Variants in PRKG1 observed in about 807,000 individuals in gnomAD.
PRKG1 encodes the protein protein kinase cGMP-dependent 1, also known as cGMP-dependent protein kinase 1.
A neutral mutation model predicts 88.1 loss-of-function variants in PRKG1; 35 were observed. The observed-to-expected ratio is 0.40, with a 90% confidence interval of 0.30 to 0.53. PRKG1 has a LOEUF of 0.53. Among genes scored for constraint, PRKG1 ranks in the 20% least tolerant of loss-of-function variants. The probability of loss-of-function intolerance (pLI) is 0.59; values close to 1 mark genes in which losing one functional copy is unlikely to be tolerated. For synonymous variants in PRKG1, 303 were observed against 292.5 expected (o/e 1.04, Z -0.37); for missense variants, 540 against 839.8 (o/e 0.64, Z 4.41).
At chr10:51,280,360 T>C (rs1304675461) in intron 2 of PRKG1, among the ~76,000 whole-genome samples, 2 of 152,190 alleles carry the variant, frequency 1.3e-5, no homozygotes, top group Non-Finnish European at 2.9e-5. Flanking sequence ...GGAGTTGCTC[T>C]TCTTGAGGAG....
At chr10:51,129,806 C>T (rs1845519384) in intron 1 of PRKG1, among the ~76,000 whole-genome samples, 1 of 152,140 alleles carries the variant, frequency 6.6e-6, no homozygotes, top group Non-Finnish European at 1.5e-5. Context: ...TGATGACTTC[C>T]CTAGCCCTGA....
intron 4 of PRKG1, among the ~76,000 whole-genome samples, chr10:51,828,338 A>T (rs1274190555): frequency 6.6e-6 from 1 of 152,150 alleles, no homozygotes; most frequent in Non-Finnish European, 1.5e-5. Flanking sequence ...ATTTTAACAT[A>T]TTGATAAGGG....
chr10:51,644,513 T>G (rs1050945862), intron 3 of PRKG1, among the ~76,000 whole-genome samples: 1 of 152,210 alleles, frequency 6.6e-6, no homozygotes, highest in Admixed American at 6.5e-5. Context: ...TATTAATGCC[T>G]GAATTGTTCC....
intron 11 of PRKG1, 55 bp from the exon 12 acceptor site, chr10:52,272,337 A>T (rs1418868695): frequency 7.2e-7 from 1 of 1,383,564 alleles, no homozygotes; most frequent in African/African-American, 1.5e-5. Context: ...AAAATTGCAC[A>T]CTTGTAAAAG....
intron 3 of PRKG1, among the ~76,000 whole-genome samples, chr10:51,563,557 T>C (rs1050035672): frequency 6.6e-6 from 1 of 152,070 alleles, no homozygotes; most frequent in African/African-American, 2.4e-5. Context: ...AGAAACACAG[T>C]AATATTAAGT....
Position 52,161,932 on chromosome 10 carries a change from A to C in PRKG1, c.1045A>C (p.Lys349Gln). The change falls in exon 9 of 18, where the codon AAA (lysine) becomes CAA (glutamine). Residue 349 changes from lysine to glutamine, a missense_variant. By Grantham distance (53) the Lys-to-Gln change is moderately conservative. This residue lies in a region of PRKG1 where 400 missense variants were observed against 562.7 expected (regional missense o/e 0.71). Coordinates refer to ENST00000373980, the MANE Select transcript of PRKG1 (RefSeq NM_006258.4). ...LIGGLDDVSN[K>Q]AYEDAEAKAK... The stretch of plus-strand genomic sequence containing the variant: ...TGGAGGGCTGGATGATGTTTCTAAT[A>C]AAGCATATGAAGATGCAGAAGCTAA... 1 of 1,612,570 alleles carries C rather than the reference A, an allele frequency of 6.2e-7. No homozygotes were observed. The highest frequency in any genetic ancestry group is 8.5e-7 in the Non-Finnish European group (1 of 1,179,360).
chr10:51,160,881 T>TGTGTGTGC (rs1252485188), intron 2 of PRKG1, among the ~76,000 whole-genome samples: 1 of 151,380 alleles, frequency 6.6e-6, no homozygotes, highest in Non-Finnish European at 1.5e-5. Flanking sequence ...TGCTCGTGTG[T>TGTGTGTGC]GTGTGTGTGT....
chr10:51,668,442 C>A (rs1840476372), intron 3 of PRKG1, among the ~76,000 whole-genome samples: 1 of 152,274 alleles, frequency 6.6e-6, no homozygotes, highest in Middle Eastern at 3.4e-3. Context: ...GGGTCTTGTT[C>A]TGTTGCCCAG....
chr10:52,035,748 G>A (rs1385370759), intron 5 of PRKG1, among the ~76,000 whole-genome samples: 1 of 152,152 alleles, frequency 6.6e-6, no homozygotes, highest in Admixed American at 6.5e-5. Context: ...CAGGTATGAG[G>A]AAGAAAATAG....
chr10:51,276,621 C>T (rs1589304097), intron 2 of PRKG1, among the ~76,000 whole-genome samples: 1 of 152,128 alleles, frequency 6.6e-6, no homozygotes, highest in Non-Finnish European at 1.5e-5. Context: ...TCCTCTCCAG[C>T]ACCTGTTGTT....
At chr10:51,236,863 C>A (rs1839007289) in intron 2 of PRKG1, among the ~76,000 whole-genome samples, 1 of 152,072 alleles carries the variant, frequency 6.6e-6, no homozygotes, top group Admixed American at 6.6e-5. Context: ...AATTAATTAA[C>A]CTACATAAAG....
At chr10:51,566,387 T>A (rs149441943) in intron 3 of PRKG1, among the ~76,000 whole-genome samples, 233 of 152,234 alleles carry the variant, frequency 1.5e-3, no homozygotes, top group African/African-American at 5.2e-3. Context: ...ATGTACTCAT[T>A]TCTGAGTAAA....
chr10:51,834,854 G>A (rs142467748), intron 4 of PRKG1, among the ~76,000 whole-genome samples: 1 of 152,202 alleles, frequency 6.6e-6, no homozygotes, highest in East Asian at 1.9e-4. Context: ...CATTGCATGG[G>A]GCAAGTGAGA....
chr10:52,042,495 G>C (rs143447050), intron 5 of PRKG1, among the ~76,000 whole-genome samples: 15 of 152,002 alleles, frequency 9.9e-5, no homozygotes, highest in Non-Finnish European at 2.1e-4. Flanking sequence ...TTCAATAAAT[G>C]GTCCTGGAAA....
intron 5 of PRKG1, among the ~76,000 whole-genome samples, chr10:52,022,928 T>C (rs932646891): frequency 2.6e-5 from 4 of 152,208 alleles, no homozygotes; most frequent in Admixed American, 2.6e-4. Context: ...GGTGTTTTTT[T>C]AATTATACTT....
intron 7 of PRKG1, among the ~76,000 whole-genome samples, chr10:52,121,134 G>T (rs757295486): frequency 1.3e-5 from 2 of 152,134 alleles, no homozygotes; most frequent in Non-Finnish European, 2.9e-5. Context: ...GCTGCATTGG[G>T]ATGAAGAAAC....
At chr10:51,183,678 G>A (rs1904684) in intron 2 of PRKG1, among the ~76,000 whole-genome samples, 1 of 151,910 alleles carries the variant, frequency 6.6e-6, no homozygotes, top group Admixed American at 6.6e-5. Context: ...CATTTCCATT[G>A]CATTTTTTTT....
At chr10:52,176,173 CT>C (rs140722137) in intron 9 of PRKG1, among the ~76,000 whole-genome samples, 20,647 of 95,334 alleles carry the variant, frequency 0.22, 1,040 homozygotes, top group Admixed American at 0.33. Context: ...TTCTTTTTCT[CT>C]TTTTTTTTTT....
At chr10:52,099,794 G>A (rs1209158926) in intron 7 of PRKG1, among the ~76,000 whole-genome samples, 1 of 152,162 alleles carries the variant, frequency 6.6e-6, no homozygotes, top group Admixed American at 6.6e-5. Context: ...GCAGTCCTGA[G>A]TTGACTTCAT....
Sources: gnomAD v4.1 joint callset for allele counts (sites outside exome capture counted in the v4.1 genomes callset) on GRCh38, gnomAD v4.1.1 for gene constraint, gnomAD v4.1.1 regional missense constraint, MANE v1.5 for transcripts, NCBI Gene and HGNC (gene_info 2026-07-23, HGNC 2026-07-21) for gene names.